Variants in CDC42 observed in about 807,000 individuals in gnomAD.
The protein encoded by CDC42 is cell division cycle 42.
Under a neutral mutation model 20.8 loss-of-function variants are expected in CDC42, and 1 was observed. The ratio of observed to expected loss-of-function variants is 0.05; its 90% confidence interval spans 0.02 to 0.23. The LOEUF (loss-of-function observed/expected upper bound fraction) is 0.23, where lower values mean the gene tolerates loss of function less well. CDC42 is among the 10% of genes least tolerant of loss of function. The pLI is 1.00. For synonymous variants in CDC42, 72 were observed against 84.8 expected (o/e 0.85, Z 0.83); for missense variants, 49 against 227.9 (o/e 0.21, Z 5.05).
intron 1 of CDC42, among the ~76,000 whole-genome samples, chr1:22,060,005 C>T (rs1285053740): frequency 2.6e-5 from 4 of 152,074 alleles, no homozygotes; most frequent in Non-Finnish European, 5.9e-5. Context: ...TTCTCTGTGT[C>T]TTAAGTGGCC....
chr1:22,054,346 G>A (rs1362018405), intron 1 of CDC42, among the ~76,000 whole-genome samples: 1 of 152,050 alleles, frequency 6.6e-6, no homozygotes, highest in African/African-American at 2.4e-5. Flanking sequence ...CTCCCGAGTA[G>A]CTGGTACTGC....
chr1:22,067,506 G>A (rs1422380615), intron 1 of CDC42, among the ~76,000 whole-genome samples: 3 of 152,006 alleles, frequency 2.0e-5, no homozygotes, highest in African/African-American at 4.8e-5. Flanking sequence ...ATGCGCCACC[G>A]GCTAATTTTT....
chr1:22,090,982 T>C (rs1287796705), intron 5 of CDC42, among the ~76,000 whole-genome samples: 1 of 152,234 alleles, frequency 6.6e-6, no homozygotes, highest in Admixed American at 6.5e-5. Flanking sequence ...TCTCTTTGCC[T>C]GTGCCTTCCA....
Position 22,092,910 on chromosome 1 carries a change from T to G in CDC42, c.*1393T>G, listed in dbSNP as rs1052669832. On this transcript the variant is annotated 3_prime_UTR_variant, in exon 6 of 6. Transcript: ENST00000656825. ...GTCTCAATTCTTTGTATATGCATTC[T>G]TTTCAGATGTATTAAACAAACAAAA... 3 of 152,650 alleles carry G rather than the reference T, an allele frequency of 2.0e-5. No homozygotes were observed. The highest frequency in any genetic ancestry group is 4.8e-5 in the African/African-American group (2 of 41,458). 9.5% of individuals were successfully genotyped at this position (152,650 alleles called of 1,614,324 possible). A position where few individuals can be genotyped will look rare whatever the true frequency, so the allele number is the denominator to read the frequency against.
chr1:22,090,329 T>C, intron 5 of CDC42: 1 of 1,085,314 alleles, frequency 9.2e-7, no homozygotes. Context: ...TTTAAGAATG[T>C]CCTCTTGGAG....
chr1:22,057,979 G>A (rs559969719), intron 1 of CDC42, among the ~76,000 whole-genome samples: 1 of 152,042 alleles, frequency 6.6e-6, no homozygotes, highest in African/African-American at 2.4e-5. Context: ...TGCCTGCCTC[G>A]GCCTCCCAAA....
intron 1 of CDC42, among the ~76,000 whole-genome samples, chr1:22,077,664 C>G (rs1280071868): frequency 6.6e-6 from 1 of 151,962 alleles, no homozygotes; most frequent in Non-Finnish European, 1.5e-5. Flanking sequence ...CTCAAAGATA[C>G]ATTCTGACTT....
At chr1:22,081,151 G>T (rs1645603161) in intron 2 of CDC42, among the ~76,000 whole-genome samples, 1 of 152,068 alleles carries the variant, frequency 6.6e-6, no homozygotes, top group Non-Finnish European at 1.5e-5. Context: ...CCTGGATGAC[G>T]CAGTGAGACT....
In CDC42 at chr1:22,094,973, A is replaced by G. The variant is rs138101466; in HGVS notation, c.*3456A>G. Among the ~76,000 whole-genome samples the G allele has an allele frequency of 7.4e-4, 113 of 152,144 alleles. No individual in the cohort carries two copies. The highest frequency in any genetic ancestry group is 1.4e-3 in the Non-Finnish European group (94 of 68,000). On this transcript the variant is annotated 3_prime_UTR_variant, in exon 6 of 6. Transcript: ENST00000656825. ...TTATTTTGGTGCTGGGTGCTAAGAA[A>G]CTCGCAAAACAAGGGCCCTGCTCAA... is the stretch of plus-strand genomic sequence containing the variant.
At chr1:22,081,886 C>CA (rs1645611590) in intron 3 of CDC42, 92 bp downstream of exon 3, 1 of 788,080 alleles carries the variant, frequency 1.3e-6, no homozygotes, top group Admixed American at 2.1e-5. Context: ...AGCACATGAG[C>CA]AAAGTACTTG....
chr1:22,067,076 C>G (rs16826398), intron 1 of CDC42, among the ~76,000 whole-genome samples: 78 of 152,124 alleles, frequency 5.1e-4, no homozygotes, highest in African/African-American at 1.7e-3. Context: ...GGTAAGAGAC[C>G]TGTGTAGCTA....
chr1:22,084,179 G>T (rs1186885070), intron 3 of CDC42, among the ~76,000 whole-genome samples: 1 of 151,964 alleles, frequency 6.6e-6, no homozygotes, highest in Non-Finnish European at 1.5e-5. Context: ...AGTTCTTTTG[G>T]GGTATATACC....
chr1:22,057,754 C>T (rs1458839301), intron 1 of CDC42, among the ~76,000 whole-genome samples: 5 of 148,370 alleles, frequency 3.4e-5, no homozygotes, highest in South Asian at 2.2e-4. Context: ...GACAGAGTCT[C>T]GCTCTGTCAC....
rs61584354 is a variant in CDC42, at chr1:22,084,335, GTTTTTTTTTTTT to G, written c.179-2090_179-2079del. On this transcript the variant is annotated intron_variant, in intron 3 of 5. Transcript: ENST00000656825. Reference sequence around the variant, plus strand: ...TTCTTCTGTTCGACACTTATTTCCTGTTTTTTTTTTTTTTTTTTTTTTTTTAATTGTAGCCAT... The same window carrying G: ...TTCTTCTGTTCGACACTTATTTCCTGTTTTTTTTTTTTTAATTGTAGCCAT... Among the ~76,000 whole-genome samples, 48 of 80,710 alleles carry G rather than the reference GTTTTTTTTTTTT, an allele frequency of 5.9e-4. 1 individual carries two copies. Among genetic ancestry groups the G allele is most frequent in the Middle Eastern group, 0.011 (1 of 94 alleles). 52.9% of individuals were successfully genotyped at this position (80,710 alleles called of 152,430 possible).
chr1:22,089,988 G>C (rs1645699660), intron 5 of CDC42: 1 of 1,613,840 alleles, frequency 6.2e-7, no homozygotes, highest in Admixed American at 1.7e-5. Context: ...AGCTGCCCTC[G>C]AGCCTCCGGA....
chr1:22,065,162 C>G (rs903876424), intron 1 of CDC42, among the ~76,000 whole-genome samples: 1 of 152,234 alleles, frequency 6.6e-6, no homozygotes, highest in African/African-American at 2.4e-5. Context: ...GAATGGGAAT[C>G]TGAGCTTTAG....
chr1:22,078,705 G>GA, intron 2 of CDC42, 122 bp downstream of exon 2: 1 of 1,511,006 alleles, frequency 6.6e-7, no homozygotes, highest in Non-Finnish European at 8.9e-7. Context: ...TGTTTTTAAA[G>GA]ATCTTGACTT....
intron 1 of CDC42, among the ~76,000 whole-genome samples, chr1:22,074,899 A>G (rs1307532563): frequency 6.6e-6 from 1 of 152,238 alleles, no homozygotes. Flanking sequence ...TTTCAGAGCT[A>G]CCTTTCTTGT....
intron 2 of CDC42, chr1:22,078,874 G>A: frequency 7.9e-7 from 1 of 1,261,330 alleles, no homozygotes; most frequent in Non-Finnish European, 1.0e-6. Context: ...CCTACATCTT[G>A]GAATGAGGTG....
Sources: gnomAD v4.1 joint callset for allele counts (sites outside exome capture counted in the v4.1 genomes callset) on GRCh38, gnomAD v4.1.1 for gene constraint, MANE v1.5 for transcripts, NCBI Gene and HGNC (gene_info 2026-07-23, HGNC 2026-07-21) for gene names.